The following ANKRD11 variants were observed in gnomAD, a reference collection of about 807,000 sequenced individuals.
The protein encoded by ANKRD11 is ankyrin repeat domain-containing protein 11.
A neutral mutation model predicts 195.7 loss-of-function variants in ANKRD11; 17 were observed. That is an observed-to-expected ratio of 0.09 (90% CI 0.06 to 0.13). ANKRD11 has a LOEUF of 0.13. ANKRD11 is among the 10% of genes least tolerant of loss of function. The pLI is 1.00. For missense variants in ANKRD11, 3,735 were observed against 3,566.1 expected (o/e 1.05, Z -1.21); for synonymous variants, 1,953 against 1,528.1 (o/e 1.28, Z -6.49).
chr16:89,397,996 A>C (rs888780043), intron 2 of ANKRD11, among the ~76,000 whole-genome samples: 1 of 152,248 alleles, frequency 6.6e-6, no homozygotes, highest in Non-Finnish European at 1.5e-5. Context: ...ACAACCACAA[A>C]GCGCCTGTCA....
At chr16:89,489,115 C>G (rs1340396172) in intron 1 of ANKRD11, 2 of 152,060 alleles carry the variant, frequency 1.3e-5, no homozygotes, top group African/African-American at 4.8e-5. Flanking sequence ...AATCAAGACT[C>G]CCCCCGACCA....
intron 2 of ANKRD11, among the ~76,000 whole-genome samples, chr16:89,335,365 G>GT (rs1381432170): frequency 1.3e-5 from 2 of 152,188 alleles, no homozygotes; most frequent in Non-Finnish European, 2.9e-5. Flanking sequence ...CGAGGCATCC[G>GT]TGAGTCCCAC....
chr16:89,326,460 TAGGGCC>T (rs1224323240), intron 2 of ANKRD11, among the ~76,000 whole-genome samples: 2 of 147,142 alleles, frequency 1.4e-5, no homozygotes, highest in Non-Finnish European at 3.0e-5. Context: ...ATTACACAAA[TAGGGCC>T]AGGCACGGTG....
At chr16:89,443,442 T>A (rs1340946922) in intron 1 of ANKRD11, 1 of 151,698 alleles carries the variant, frequency 6.6e-6, no homozygotes, top group Non-Finnish European at 1.5e-5. Flanking sequence ...CACACACAGA[T>A]TGGGACCTGC....
chr16:89,286,559 A>G (rs1467597229), intron 7 of ANKRD11: 7 of 770,276 alleles, frequency 9.1e-6, no homozygotes, highest in Admixed American at 3.7e-5. Context: ...GCTCCTCAGC[A>G]GAGTGGTGCC....
intron 2 of ANKRD11, among the ~76,000 whole-genome samples, chr16:89,394,090 A>G (rs2041321166): frequency 6.6e-6 from 1 of 151,438 alleles, no homozygotes; most frequent in Non-Finnish European, 1.5e-5. Context: ...CCTCCTGGAG[A>G]CTCCACCCAT....
chr16:89,278,435 CG>C (rs1833898099), intron 9 of ANKRD11: 1 of 432,704 alleles, frequency 2.3e-6, no homozygotes, highest in African/African-American at 2.0e-5. Flanking sequence ...TGGGCCCAGA[CG>C]TAGCGCAAGG....
intron 2 of ANKRD11, among the ~76,000 whole-genome samples, chr16:89,394,872 T>C (rs1414474727): frequency 6.6e-6 from 1 of 152,106 alleles, no homozygotes; most frequent in Non-Finnish European, 1.5e-5. Context: ...TTAAGGCAGG[T>C]TGGCTGTAGC....
intron 1 of ANKRD11, among the ~76,000 whole-genome samples, chr16:89,463,879 G>A (rs1386742962): frequency 2.0e-5 from 3 of 152,104 alleles, no homozygotes; most frequent in Admixed American, 6.6e-5. Context: ...CACCTATGGT[G>A]GAAGTTCTTC....
intron 1 of ANKRD11, among the ~76,000 whole-genome samples, chr16:89,435,825 C>G (rs1482402627): frequency 6.6e-6 from 1 of 151,596 alleles, no homozygotes; most frequent in East Asian, 1.9e-4. Flanking sequence ...CACACACACA[C>G]ACACACACAC....
chr16:89,481,106 CCTAA>C (rs1369107858), intron 1 of ANKRD11, among the ~76,000 whole-genome samples: 1 of 152,200 alleles, frequency 6.6e-6, no homozygotes, highest in East Asian at 1.9e-4. Context: ...AAGCCACTCT[CCTAA>C]CTAATGTTTG....
intron 2 of ANKRD11, among the ~76,000 whole-genome samples, chr16:89,335,149 C>A (rs2038282194): frequency 1.3e-5 from 2 of 152,210 alleles, no homozygotes; most frequent in Non-Finnish European, 2.9e-5. Flanking sequence ...CCATGTCCGG[C>A]CTGTGGGGGC....
At chr16:89,305,073 G>T in intron 4 of ANKRD11, 133 bp downstream of exon 4, 1 of 1,380,778 alleles carries the variant, frequency 7.2e-7, no homozygotes, top group Non-Finnish European at 9.8e-7. Context: ...GCTGCCTCTT[G>T]CCTGGACGGC....
intron 2 of ANKRD11, among the ~76,000 whole-genome samples, chr16:89,353,776 G>A (rs572752667): frequency 1.3e-5 from 2 of 152,278 alleles, no homozygotes; most frequent in East Asian, 3.9e-4. Flanking sequence ...CACTACGCCC[G>A]AACTGGTCAC....
intron 2 of ANKRD11, among the ~76,000 whole-genome samples, chr16:89,327,066 GGGGAATGCAGAGGTT>G (rs143653767): frequency 0.011 from 402 of 37,728 alleles, 4 homozygotes; most frequent in Middle Eastern, 0.059. Flanking sequence ...ATGCAGAGGT[GGGGAATGCAGAGGTT>G]GGAAATGCAG....
intron 1 of ANKRD11, among the ~76,000 whole-genome samples, chr16:89,454,853 T>C (rs372027966): frequency 1.7e-4 from 12 of 70,926 alleles, no homozygotes; most frequent in Non-Finnish European, 3.0e-4. Flanking sequence ...TGGGTGTTTC[T>C]AGGGTTCCTC....
rs142410261 is a variant in ANKRD11 at position 89,282,012 on chromosome 16, C to A, written c.4530G>T (p.Pro1510=). ...TGGACTTGTCTTTGAGCACGCGGGGCGGGCTGTCCTTGTCCCTGGTGGCGG... is the reference window on the plus strand; with the variant it reads ...TGGACTTGTCTTTGAGCACGCGGGGAGGGCTGTCCTTGTCCCTGGTGGCGG... ...QKPATRDKDS[P]PRVLKDKSRD... is the part of the protein sequence containing the mutation. Residue 1510 remains proline (P), a synonymous_variant, in exon 9 of 13, where the codon CCG becomes CCT. Coordinates refer to ENST00000301030, the MANE Select transcript of ANKRD11 (RefSeq NM_013275.6). 61 of 1,613,350 alleles carry A rather than the reference C, an allele frequency of 3.8e-5. No homozygotes were observed. The African/African-American group carries it at 5.3e-4, about 14-fold the overall frequency.
chr16:89,413,809 C>T (rs2042191222), intron 2 of ANKRD11, among the ~76,000 whole-genome samples: 1 of 152,126 alleles, frequency 6.6e-6, no homozygotes, highest in South Asian at 2.1e-4. Flanking sequence ...TCTGCACTCC[C>T]ACAACGCCCT....
intron 2 of ANKRD11, chr16:89,320,456 T>G (rs2037238229): frequency 6.6e-6 from 1 of 152,378 alleles, no homozygotes; most frequent in Non-Finnish European, 1.5e-5. Flanking sequence ...CGCCCTGTGC[T>G]GAGCGGCAAG....
Sources: gnomAD v4.1 joint callset for allele counts (sites outside exome capture counted in the v4.1 genomes callset) on GRCh38, gnomAD v4.1.1 for gene constraint, MANE v1.5 for transcripts, NCBI Gene and HGNC (gene_info 2026-07-23, HGNC 2026-07-21) for gene names.